Variants in ARHGAP10 observed in about 807,000 individuals in gnomAD.
The protein encoded by ARHGAP10 is Rho GTPase activating protein 10.
In ARHGAP10, 87 loss-of-function variants were observed where a neutral mutation model predicts 108.6. The observed-to-expected ratio is 0.80, with a 90% confidence interval of 0.67 to 0.96. ARHGAP10 has a LOEUF of 0.96. Among genes scored for constraint, ARHGAP10 ranks in the 40% least tolerant of loss-of-function variants. The probability of loss-of-function intolerance (pLI) is 0.00; values close to 1 mark genes in which losing one functional copy is unlikely to be tolerated. For missense variants in ARHGAP10, 939 were observed against 954.5 expected (o/e 0.98, Z 0.21); for synonymous variants, 347 against 341.1 (o/e 1.02, Z -0.19).
intron 1 of ARHGAP10, among the ~76,000 whole-genome samples, chr4:147,773,348 C>T (rs1730149923): frequency 2.0e-5 from 3 of 152,090 alleles, no homozygotes; most frequent in Non-Finnish European, 1.5e-5. Context: ...CTATATGCCT[C>T]ACGGGAAGAG....
rs2149630968 is a variant in ARHGAP10, at chr4:147,985,470, C to T, written c.1716+18631C>T. Among the ~76,000 whole-genome samples, 2 of 152,264 alleles carry T rather than the reference C, an allele frequency of 1.3e-5. 1 individual carries two copies. Among genetic ancestry groups the T allele is most frequent in the South Asian group, 4.2e-4 (2 of 4,814 alleles). On this transcript the variant is annotated intron_variant, in intron 18 of 22. Transcript: ENST00000336498. Reference sequence around the variant, plus strand: ...TGGCTCTGTCTGCACGCCTCATTGCCCAGATAAACCATGGCTACAGCGACT... The same window carrying T: ...TGGCTCTGTCTGCACGCCTCATTGCTCAGATAAACCATGGCTACAGCGACT...
At chr4:147,736,462 C>T (rs889500182) in intron 1 of ARHGAP10, among the ~76,000 whole-genome samples, 15 of 152,036 alleles carry the variant, frequency 9.9e-5, no homozygotes, top group African/African-American at 3.6e-4. Context: ...ATTTTGTAAA[C>T]TTGAGCCTTG....
At chr4:147,941,444 A>C (rs1314476486) in intron 14 of ARHGAP10, among the ~76,000 whole-genome samples, 2 of 152,200 alleles carry the variant, frequency 1.3e-5, no homozygotes, top group Non-Finnish European at 2.9e-5. Flanking sequence ...GTGTTTTTAA[A>C]TATCTAAACC....
chr4:148,006,899 C>T (rs190689843), intron 18 of ARHGAP10, among the ~76,000 whole-genome samples: 1 of 152,312 alleles, frequency 6.6e-6, no homozygotes, highest in East Asian at 1.9e-4. Context: ...TCAGCCCACC[C>T]CAGCACACAT....
At chr4:148,030,871 GAA>G (rs58943146) in intron 19 of ARHGAP10, among the ~76,000 whole-genome samples, 2 of 144,720 alleles carry the variant, frequency 1.4e-5, no homozygotes, top group African/African-American at 5.0e-5. Flanking sequence ...AGAAAAAAAA[GAA>G]AAAAAAAAAC....
At chr4:147,911,683 A>C (rs1327603080) in intron 12 of ARHGAP10, among the ~76,000 whole-genome samples, 1 of 152,200 alleles carries the variant, frequency 6.6e-6, no homozygotes, top group East Asian at 1.9e-4. Context: ...TTTTTGAAAC[A>C]AGAATTGTCA....
chr4:147,826,624 T>C (rs1431914725), intron 3 of ARHGAP10, among the ~76,000 whole-genome samples: 2 of 152,188 alleles, frequency 1.3e-5, no homozygotes, highest in Admixed American at 6.5e-5. Context: ...AAATATACAA[T>C]GAAACTACAT....
chr4:148,047,951 T>G (rs1728960379), intron 20 of ARHGAP10, among the ~76,000 whole-genome samples: 1 of 152,126 alleles, frequency 6.6e-6, no homozygotes, highest in Non-Finnish European at 1.5e-5. Flanking sequence ...GCCTCCCAAG[T>G]AGCTGGGATT....
chr4:147,995,110 CTTTAT>C (rs1362661226), intron 18 of ARHGAP10, among the ~76,000 whole-genome samples: 6 of 152,134 alleles, frequency 3.9e-5, no homozygotes, highest in Non-Finnish European at 5.9e-5. Context: ...AACCCTTTTA[CTTTAT>C]TTTATTATTG....
At chr4:147,752,429 A>AT (rs1729192720) in intron 1 of ARHGAP10, among the ~76,000 whole-genome samples, 1 of 152,342 alleles carries the variant, frequency 6.6e-6, no homozygotes, top group Admixed American at 6.5e-5. Context: ...ATTACAAAAA[A>AT]TTGAAAAAAA....
chr4:147,875,277 T>C (rs1735012201), intron 8 of ARHGAP10, 127 bp downstream of exon 8: 1 of 1,050,968 alleles, frequency 9.5e-7, no homozygotes, highest in African/African-American at 1.6e-5. Flanking sequence ...CCTGCTCCTA[T>C]CACCTAATGG....
chr4:147,939,919 A>AT lies in ARHGAP10; in HGVS notation c.1303+25dup. On this transcript the variant is annotated intron_variant, in intron 14 of 22. Coordinates refer to ENST00000336498, the MANE Select transcript of ARHGAP10 (RefSeq NM_024605.4). ...TGATGGGTATGCCTCTTTTCTAATC[A>AT]TTTTTCCATGTGTTATTTGTGTATG... is the stretch of plus-strand genomic sequence containing the variant. The AT allele has an allele frequency of 6.3e-7, 1 of 1,595,348 alleles. No homozygotes were observed. The highest frequency in any genetic ancestry group is 8.6e-7 in the Non-Finnish European group (1 of 1,164,734).
intron 18 of ARHGAP10, among the ~76,000 whole-genome samples, chr4:147,967,725 C>G (rs760883237): frequency 6.6e-6 from 1 of 151,940 alleles, no homozygotes. Context: ...CCAGATAGCC[C>G]GCAAGGCATA....
chr4:147,780,199 C>T (rs753139013), intron 1 of ARHGAP10, among the ~76,000 whole-genome samples: 2 of 152,164 alleles, frequency 1.3e-5, no homozygotes, highest in East Asian at 1.9e-4. Flanking sequence ...TGGCTGCACT[C>T]GTTTCACTTC....
At chr4:147,817,299 G>C (rs17023896) in intron 1 of ARHGAP10, among the ~76,000 whole-genome samples, 5,999 of 152,162 alleles carry the variant, frequency 0.039, 371 homozygotes, top group African/African-American at 0.14. Flanking sequence ...GGGTTATCCT[G>C]CACTGACAGT....
intron 13 of ARHGAP10, among the ~76,000 whole-genome samples, chr4:147,919,181 C>CT (rs1330856285): frequency 6.6e-6 from 1 of 152,120 alleles, no homozygotes; most frequent in Non-Finnish European, 1.5e-5. Flanking sequence ...TCTCAGTACT[C>CT]TTAAGATGAC....
intron 12 of ARHGAP10, among the ~76,000 whole-genome samples, chr4:147,911,964 T>G (rs1372943137): frequency 1.3e-5 from 2 of 150,558 alleles, no homozygotes; most frequent in African/African-American, 2.4e-5. Flanking sequence ...GATTGTGTTC[T>G]TAGATTCTCA....
In ARHGAP10 at chr4:148,036,066, CTGTGTGTGTGTGTGTG is replaced by C. The variant is rs61692055; in HGVS notation, c.1868-10802_1868-10787del. 1.3e-4 allele frequency among the ~76,000 whole-genome samples: 19 copies of C among 142,870 alleles called. No homozygotes were observed. In the East Asian group the frequency reaches 2.7e-3, roughly 20 times the overall value. 93.7% of individuals were successfully genotyped at this position (142,870 alleles called of 152,430 possible). On this transcript the variant is annotated intron_variant, in intron 19 of 22. Transcript: ENST00000336498. Reference sequence around the variant, plus strand: ...AATTTGTTTAATAAAGGAGCTGCCTCTGTGTGTGTGTGTGTGTGTGTGTGTGTGTGTGTGTGTGTAT... The same window carrying C: ...AATTTGTTTAATAAAGGAGCTGCCTCTGTGTGTGTGTGTGTGTGTGTGTAT...
chr4:147,787,101 A>G lies in ARHGAP10; in HGVS notation c.155-35626A>G, dbSNP rs114781280. 8.8e-3 allele frequency among the ~76,000 whole-genome samples: 1,338 copies of G among 152,274 alleles called. 20 individuals carry two copies. The highest frequency in any genetic ancestry group is 0.031 in the African/African-American group (1,288 of 41,528). On this transcript the variant is annotated intron_variant, in intron 1 of 22. Coordinates refer to ENST00000336498, the MANE Select transcript of ARHGAP10 (RefSeq NM_024605.4). ...GAATGTGCAGCTCTTCTCACTAGTC[A>G]TATCTCCTCAGCAGATGACCAAGGT...
Sources: gnomAD v4.1 joint callset for allele counts (sites outside exome capture counted in the v4.1 genomes callset) on GRCh38, gnomAD v4.1.1 for gene constraint, MANE v1.5 for transcripts, NCBI Gene and HGNC (gene_info 2026-07-23, HGNC 2026-07-21) for gene names.